The following ERO1B variants were observed in gnomAD, a reference collection of about 807,000 sequenced individuals.
The protein encoded by ERO1B is endoplasmic reticulum oxidoreductase 1 beta.
In ERO1B, 49 loss-of-function variants were observed where a neutral mutation model predicts 75.3. That is an observed-to-expected ratio of 0.65 (90% CI 0.52 to 0.83). The LOEUF (loss-of-function observed/expected upper bound fraction) is 0.83, where lower values mean the gene tolerates loss of function less well. Among genes scored for constraint, ERO1B ranks in the 40% least tolerant of loss-of-function variants. The probability of loss-of-function intolerance (pLI) is 0.00; values close to 1 mark genes in which losing one functional copy is unlikely to be tolerated. For missense variants in ERO1B, 512 were observed against 560.1 expected, an observed-to-expected ratio of 0.91 and a Z score of 0.87; for synonymous variants, 191 against 192.9, an observed-to-expected ratio of 0.99 and a Z score of 0.08.
intron 2 of ERO1B, chr1:236,267,967 A>G (rs1394186165): frequency 6.6e-6 from 1 of 152,148 alleles, no homozygotes; most frequent in African/African-American, 2.4e-5. Context: ...TCCGGGGGAA[A>G]AAAAAAAAAA....
At chr1:236,273,810 GAAAAAAA>G (rs71176476) in intron 1 of ERO1B, among the ~76,000 whole-genome samples, 10 of 102,746 alleles carry the variant, frequency 9.7e-5, no homozygotes, top group Non-Finnish European at 1.1e-4. Flanking sequence ...TGTCTCAAAA[GAAAAAAA>G]AAAAAAAAAA....
intron 8 of ERO1B, 118 bp from the exon 9 acceptor site, chr1:236,232,957 T>C: frequency 1.3e-6 from 1 of 758,364 alleles, no homozygotes; most frequent in Non-Finnish European, 2.0e-6. Context: ...CCTTGGTCAC[T>C]GAGTAGACGC....
chr1:236,239,378 G>A (rs1664625347), intron 6 of ERO1B, among the ~76,000 whole-genome samples: 1 of 152,048 alleles, frequency 6.6e-6, no homozygotes, highest in South Asian at 2.1e-4. Flanking sequence ...TTCCAACAGA[G>A]ACCCTATAGT....
intron 5 of ERO1B, among the ~76,000 whole-genome samples, chr1:236,248,445 T>A (rs75154401): frequency 7.2e-5 from 11 of 151,934 alleles, no homozygotes; most frequent in African/African-American, 2.7e-4. Flanking sequence ...TGAAAAAAAA[T>A]TTGGGAATGC....
intron 5 of ERO1B, among the ~76,000 whole-genome samples, chr1:236,248,770 G>C (rs555505845): frequency 6.6e-6 from 1 of 152,144 alleles, no homozygotes; most frequent in Non-Finnish European, 1.5e-5. Flanking sequence ...ATTCTTGATA[G>C]TAGTTACCTC....
intron 3 of ERO1B, among the ~76,000 whole-genome samples, chr1:236,252,939 T>C (rs986563529): frequency 1.3e-5 from 2 of 148,940 alleles, no homozygotes; most frequent in Admixed American, 6.8e-5. Flanking sequence ...AATGTAGCAT[T>C]CTCTTGGTAT....
At chr1:236,237,912 TCA>T (rs568727503) in intron 6 of ERO1B, among the ~76,000 whole-genome samples, 21 of 152,246 alleles carry the variant, frequency 1.4e-4, no homozygotes, top group African/African-American at 4.3e-4. Context: ...AGATCTCAAC[TCA>T]CTGTAACCTC....
At position 236,218,594 on chromosome 1, in the gene ERO1B, A is replaced by G. The variant is rs1415846854; in HGVS notation, c.1344-18T>C. 7.4e-7 allele frequency: 1 copy of G among 1,347,578 alleles called. No individual in the cohort carries two copies. Among genetic ancestry groups the G allele is most frequent in the Non-Finnish European group, 9.7e-7 (1 of 1,031,340 alleles). 83.5% of individuals were successfully genotyped at this position (1,347,578 alleles called of 1,614,324 possible). A position where few individuals can be genotyped will look rare whatever the true frequency, so the allele number is the denominator to read the frequency against. On this transcript the variant is annotated intron_variant, in intron 15 of 15. Coordinates refer to ENST00000354619, the MANE Select transcript of ERO1B (RefSeq NM_019891.4). ...TAGAAAGCCTATGGAAGAAAGAAAA[A>G]GCTTATTAGTAAGGCTAACATGTTG...
chr1:236,227,828 G>A (rs376469732), intron 10 of ERO1B, among the ~76,000 whole-genome samples: 8 of 152,200 alleles, frequency 5.3e-5, no homozygotes, highest in Middle Eastern at 3.4e-3. Flanking sequence ...TTGAGTTCTC[G>A]TTCCCTAATT....
At chr1:236,220,994 T>C (rs1558504307) in intron 14 of ERO1B, 29 bp from the exon 15 acceptor site, 2 of 1,425,658 alleles carry the variant, frequency 1.4e-6, no homozygotes, top group Non-Finnish European at 9.3e-7. Flanking sequence ...AACTCATAAT[T>C]AACTTTAAAT....
chr1:236,236,342 T>C lies in ERO1B; in HGVS notation c.562A>G (p.Thr188Ala), dbSNP rs1451885222. ...VDLLLNPERY[T>A]GYKGTSAWRV... ...CATGCAGAGGTCCCTTTATAGCCAGTGTAACGCTCTGGGTTCAGCAATAGG... is the reference window on the plus strand; with the variant it reads ...CATGCAGAGGTCCCTTTATAGCCAGCGTAACGCTCTGGGTTCAGCAATAGG... Residue 188 changes from threonine (T) to alanine (A), a missense_variant, in exon 7 of 16, where the codon ACT becomes GCT. Transcript: ENST00000354619. 1 of 1,613,936 alleles carries C rather than the reference T, an allele frequency of 6.2e-7. No individual in the cohort carries two copies. The highest frequency in any genetic ancestry group is 1.7e-5 in the Admixed American group (1 of 59,994).
At chr1:236,268,433 C>T (rs1035166942) in intron 2 of ERO1B, among the ~76,000 whole-genome samples, 1 of 151,042 alleles carries the variant, frequency 6.6e-6, no homozygotes, top group Admixed American at 6.6e-5. Context: ...GAGCGAGACC[C>T]TGTCTAAAAA....
intron 5 of ERO1B, among the ~76,000 whole-genome samples, chr1:236,249,175 G>A (rs770370285): frequency 2.0e-5 from 3 of 152,018 alleles, no homozygotes; most frequent in African/African-American, 4.8e-5. Flanking sequence ...ATAGGCACCC[G>A]CCACCACACC....
intron 6 of ERO1B, among the ~76,000 whole-genome samples, chr1:236,242,051 C>T (rs563309495): frequency 2.9e-5 from 4 of 139,890 alleles, no homozygotes; most frequent in African/African-American, 1.0e-4. Flanking sequence ...CTGGGCGACA[C>T]AGCGAGACTC....
At chr1:236,249,244 C>T (rs1726642) in intron 5 of ERO1B, among the ~76,000 whole-genome samples, 37,683 of 151,828 alleles carry the variant, frequency 0.25, 4,859 homozygotes, top group East Asian at 0.38. Flanking sequence ...CAGGCTAGTC[C>T]TAAACTCCTG....
chr1:236,263,951 T>C (rs1665355358), intron 2 of ERO1B, among the ~76,000 whole-genome samples: 2 of 151,772 alleles, frequency 1.3e-5, no homozygotes, highest in Non-Finnish European at 2.9e-5. Flanking sequence ...GGTGGTTTCC[T>C]TTCTGTTATA....
intron 15 of ERO1B, 110 bp downstream of exon 15, chr1:236,220,722 A>ATTTTTT: frequency 4.5e-6 from 5 of 1,105,832 alleles, no homozygotes; most frequent in Non-Finnish European, 4.8e-6. Context: ...ACAATATAAA[A>ATTTTTT]TTTTTTTTTG....
At chr1:236,262,801 C>G (rs577217275) in intron 2 of ERO1B, among the ~76,000 whole-genome samples, 46 of 152,246 alleles carry the variant, frequency 3.0e-4, no homozygotes, top group African/African-American at 1.1e-3. Context: ...CTGTAACATA[C>G]TACTCAGATC....
chr1:236,220,876 T>C lies in ERO1B; in HGVS notation c.1299A>G (p.Gln433=). 6.3e-7 allele frequency: 1 copy of C among 1,598,060 alleles called. No homozygotes were observed. The highest frequency in any genetic ancestry group is 1.7e-4 in the Middle Eastern group (1 of 6,012). Residue 433 remains glutamine, a synonymous_variant, in exon 15 of 16, where the codon CAA becomes CAG. Coordinates refer to ENST00000354619, the MANE Select transcript of ERO1B (RefSeq NM_019891.4). The part of the protein sequence containing the change: ...LPENSPSKGF[Q]LTRQEIVALL... ...GAGCAACTATTTCCTGTCGGGTGAGTTGGAAGCCTTTAGATGGACTATTCT... is the reference window on the plus strand; with the variant it reads ...GAGCAACTATTTCCTGTCGGGTGAGCTGGAAGCCTTTAGATGGACTATTCT...
Sources: allele counts gnomAD v4.1 joint callset (sites outside exome capture counted in the v4.1 genomes callset), GRCh38; gene constraint gnomAD v4.1.1; transcripts MANE v1.5; gene names NCBI Gene and HGNC (gene_info 2026-07-23, HGNC 2026-07-21).